SLC1A2: variants seen among roughly 807,000 people sequenced by gnomAD.
The protein encoded by SLC1A2 is excitatory amino acid transporter 2.
A neutral mutation model predicts 48.8 loss-of-function variants in SLC1A2; 15 were observed. That is an observed-to-expected ratio of 0.31 (90% confidence interval 0.21 to 0.47). The LOEUF (loss-of-function observed/expected upper bound fraction) is 0.47, where lower values mean the gene tolerates loss of function less well. SLC1A2 is among the 20% of genes least tolerant of loss of function. SLC1A2 has a pLI of 0.99. For synonymous variants in SLC1A2, 279 were observed against 272.6 expected, an observed-to-expected ratio of 1.02 and a Z score of -0.23; for missense variants, 502 against 730.5, an observed-to-expected ratio of 0.69 and a Z score of 3.61.
chr11:35,312,102 A>G, intron 4 of SLC1A2, 96 bp downstream of exon 4: 2 of 1,274,592 alleles, frequency 1.6e-6, no homozygotes, highest in Non-Finnish European at 2.2e-6. Context: ...TATTTAGAAA[A>G]TTTCTACCCA....
chr11:35,383,448 G>A (rs1408930995), intron 1 of SLC1A2, among the ~76,000 whole-genome samples: 1 of 152,160 alleles, frequency 6.6e-6, no homozygotes, highest in African/African-American at 2.4e-5. Context: ...GAAAAGGAGA[G>A]TACAAGCAGA....
intron 6 of SLC1A2, among the ~76,000 whole-genome samples, chr11:35,297,021 A>T (rs1334984377): frequency 1.3e-5 from 2 of 152,164 alleles, no homozygotes; most frequent in Non-Finnish European, 1.5e-5. Context: ...ACAGAATAGA[A>T]TATTTATTGA....
At chr11:35,357,846 T>C (rs1853537657) in intron 1 of SLC1A2, among the ~76,000 whole-genome samples, 2 of 152,114 alleles carry the variant, frequency 1.3e-5, no homozygotes, top group Non-Finnish European at 2.9e-5. Context: ...GTTCTTTTTC[T>C]TTAAAAAAAG....
intron 10 of SLC1A2, chr11:35,261,933 C>G (rs1412854551): frequency 2.6e-6 from 1 of 388,916 alleles, no homozygotes; most frequent in African/African-American, 2.1e-5. Flanking sequence ...ATCCAATCCC[C>G]ATTAGCCCCC....
At chr11:35,306,532 G>A (rs573896117) in intron 4 of SLC1A2, among the ~76,000 whole-genome samples, 1 of 152,170 alleles carries the variant, frequency 6.6e-6, no homozygotes, top group East Asian at 1.9e-4. Context: ...TACAATGTGT[G>A]ATGATCAAAT....
Position 35,372,751 on chromosome 11 carries a change from A to G in SLC1A2, c.17+46199T>C, listed in dbSNP as rs1854099599. ...TAACTCAAAGTAAGAATCTACAACC[A>G]ATGATTAAAATCAATAATTCTTGTA... On this transcript the variant is annotated intron_variant, in intron 1 of 10. Transcript: ENST00000278379. Among the ~76,000 whole-genome samples the G allele has an allele frequency of 2.0e-5, 3 of 152,358 alleles. No homozygotes were observed. The South Asian group carries it at 6.2e-4, about 32-fold the overall frequency.
At chr11:35,335,316 A>T (rs1280123683) in intron 1 of SLC1A2, among the ~76,000 whole-genome samples, 1 of 152,148 alleles carries the variant, frequency 6.6e-6, no homozygotes, top group Non-Finnish European at 1.5e-5. Context: ...TGAAAGCTAT[A>T]TTTCCCCCAA....
rs916933503 is a variant in SLC1A2 at position 35,399,681 on chromosome 11, T to A, written c.17+19269A>T. The A allele has an allele frequency of 1.2e-5, 10 of 813,312 alleles. No homozygotes were observed. The South Asian group carries it at 5.0e-4, about 41-fold the overall frequency. The allele number at this position is 813,312 out of a possible 1,614,324, so 50.4% of individuals were successfully genotyped here. On this transcript the variant is annotated intron_variant, in intron 1 of 10. Transcript: ENST00000278379. ...TAGAGGGGATATTCAGCTCTTTCCA[T>A]CTGCAGGGCCAAAAAGAAGAAACCA...
At chr11:35,267,899 G>C (rs1850147623) in intron 9 of SLC1A2, among the ~76,000 whole-genome samples, 1 of 152,156 alleles carries the variant, frequency 6.6e-6, no homozygotes, top group Non-Finnish European at 1.5e-5. Context: ...CTTATGTAAA[G>C]TGCTGATTTA....
At chr11:35,396,053 C>T (rs1290112245) in intron 1 of SLC1A2, among the ~76,000 whole-genome samples, 6 of 144,288 alleles carry the variant, frequency 4.2e-5, no homozygotes, top group Non-Finnish European at 9.0e-5. Flanking sequence ...ATATGTGCCA[C>T]ATTTTCTTAA....
chr11:35,365,289 C>A (rs1321409491), intron 1 of SLC1A2, among the ~76,000 whole-genome samples: 1 of 152,156 alleles, frequency 6.6e-6, no homozygotes, highest in African/African-American at 2.4e-5. Context: ...GCCTCCAAAG[C>A]CCTTGACATT....
intron 8 of SLC1A2, among the ~76,000 whole-genome samples, chr11:35,284,358 C>T (rs141318535): frequency 2.0e-5 from 3 of 152,082 alleles, no homozygotes; most frequent in African/African-American, 7.2e-5. Context: ...GAAGCATATG[C>T]CAGCATTTGG....
chr11:35,286,775 C>T lies in SLC1A2; in HGVS notation c.1268G>A (p.Gly423Glu). The change falls in exon 8 of 11, where the codon GGA (glycine) becomes GAA (glutamate). Residue 423 changes from glycine to glutamate, a missense_variant. By Grantham distance (98) the Gly-to-Glu change is moderately conservative (BLOSUM62 -2). This residue lies in a region of SLC1A2 where 309 missense variants were observed against 480.3 expected (regional missense o/e 0.64). Transcript: ENST00000278379. The stretch of plus-strand genomic sequence containing the variant: ...TTCTCACCTTACAGTCACAATCTGT[C>T]CTCCATCCAGGACAACACCATTCAT... ...AQMNGVVLDG[G>E]QIVTVSLTAT... is the part of the protein sequence containing the mutation. The T allele has an allele frequency of 6.2e-7, 1 of 1,613,122 alleles. No homozygotes were observed. The highest frequency in any genetic ancestry group is 1.1e-5 in the South Asian group (1 of 90,972).
intron 1 of SLC1A2, among the ~76,000 whole-genome samples, chr11:35,318,941 C>T (rs185483397): frequency 6.6e-4 from 101 of 152,294 alleles, no homozygotes; most frequent in African/African-American, 2.3e-3. Context: ...TAACAGGCTG[C>T]TTAATATACT....
Position 35,357,974 on chromosome 11 carries a change from G to A in SLC1A2, c.18-40458C>T, listed in dbSNP as rs187688626. On this transcript the variant is annotated intron_variant, in intron 1 of 10. Transcript: ENST00000278379. The stretch of plus-strand genomic sequence containing the variant: ...ATCCTGGCCAACGTGGTAAAACCCC[G>A]TCTCTACCAAAAATACAAAAATTAG... Among the ~76,000 whole-genome samples, 114 of 152,130 alleles carry A rather than the reference G, an allele frequency of 7.5e-4. 1 individual carries two copies. The highest frequency in any genetic ancestry group is 1.7e-3 in the South Asian group (8 of 4,816).
chr11:35,367,273 T>C (rs1853882671), intron 1 of SLC1A2, among the ~76,000 whole-genome samples: 1 of 152,216 alleles, frequency 6.6e-6, no homozygotes, highest in Non-Finnish European at 1.5e-5. Context: ...TCATGCCTGG[T>C]GGCTGTTGTG....
chr11:35,362,217 C>T (rs1358686266), intron 1 of SLC1A2, among the ~76,000 whole-genome samples: 3 of 152,162 alleles, frequency 2.0e-5, no homozygotes, highest in African/African-American at 4.8e-5. Context: ...GCACAATCCC[C>T]GCAGGTGTCT....
At chr11:35,353,339 C>T (rs929739446) in intron 1 of SLC1A2, among the ~76,000 whole-genome samples, 10 of 152,182 alleles carry the variant, frequency 6.6e-5, no homozygotes, top group African/African-American at 2.4e-4. Context: ...CTCTTCTTCA[C>T]CTAGCAGACT....
At chr11:35,313,176 T>A (rs115816110) in intron 3 of SLC1A2, among the ~76,000 whole-genome samples, 1,994 of 152,326 alleles carry the variant, frequency 0.013, 53 homozygotes, top group African/African-American at 0.045. Context: ...TGTTTTAATG[T>A]CCTCACTTGG....
Sources: allele counts gnomAD v4.1 joint callset (sites outside exome capture counted in the v4.1 genomes callset), GRCh38; gene constraint gnomAD v4.1.1; regional missense constraint gnomAD v4.1.1; transcripts MANE v1.5; gene names NCBI Gene and HGNC (gene_info 2026-07-23, HGNC 2026-07-21).